Variants in ZNF764 observed in about 807,000 individuals in gnomAD.
The protein encoded by ZNF764 is zinc finger protein 764.
Under a neutral mutation model 13.9 loss-of-function variants are expected in ZNF764, and 10 were observed. The ratio of observed to expected loss-of-function variants is 0.72; its 90% confidence interval spans 0.44 to 1.22. The LOEUF is 1.22. Ranked by LOEUF, ZNF764 falls within the 50% of genes most tolerant of loss-of-function variation. The probability of loss-of-function intolerance (pLI) is 0.00; values close to 1 mark genes in which losing one functional copy is unlikely to be tolerated. For missense variants in ZNF764, 647 were observed against 589.7 expected, an observed-to-expected ratio of 1.10 and a Z score of -1.01; for synonymous variants, 313 against 255.1, an observed-to-expected ratio of 1.23 and a Z score of -2.16.
Position 30,558,167 on chromosome 16 carries a change from C to G in ZNF764, c.16G>C (p.Ala6Pro). 1 of 1,592,210 alleles carries G rather than the reference C, an allele frequency of 6.3e-7. No homozygotes were observed. The highest frequency in any genetic ancestry group is 8.5e-7 in the Non-Finnish European group (1 of 1,174,438). The stretch of plus-strand genomic sequence containing the variant: ...TTTGGGTCCCGGGGAGGGAGCGGGG[C>G]CAGAGGCGGCGCCATGGTAACTGTC... The part of the protein sequence containing the change: MAPPL[A>P]PLPPRDPNGA... Residue 6 changes from alanine (A) to proline (P), a missense_variant, in exon 1 of 3, where the codon GCC (alanine) becomes CCC (proline). Physicochemically the swap from Ala to Pro is conservative, Grantham distance 27. Transcript: ENST00000395091.
Position 30,555,281 on chromosome 16 carries a change from C to T in ZNF764, c.1137G>A (p.Leu379=), listed in dbSNP as rs2051538744. 3 of 1,612,610 alleles carry T rather than the reference C, an allele frequency of 1.9e-6. No homozygotes were observed. The highest frequency in any genetic ancestry group is 2.5e-6 in the Non-Finnish European group (3 of 1,179,536). The change falls in exon 3 of 3, where the codon CTG becomes CTA. Residue 379 remains leucine (L), a synonymous_variant. Transcript: ENST00000395091. ...GGHRGRVAGR[L]SVTLTPGHGD... is the part of the protein sequence containing the mutation. ...CGTGGCCAGGGGTCAGGGTCACAGA[C>T]AGACGCCCGGCGACCCGGCCCCTGT...
intron 2 of ZNF764, among the ~76,000 whole-genome samples, chr16:30,556,456 C>A (rs1407535288): frequency 6.6e-6 from 1 of 151,838 alleles, no homozygotes; most frequent in Non-Finnish European, 1.5e-5. Flanking sequence ...GGGCTGGATA[C>A]TCTGCAAAGG....
At position 30,555,320 on chromosome 16, in the gene ZNF764, G is replaced by C. The variant is rs200032214; in HGVS notation, c.1098C>G (p.Pro366=). 2.9e-5 allele frequency: 47 copies of C among 1,609,442 alleles called. No homozygotes were observed. Among genetic ancestry groups the C allele is most frequent in the Non-Finnish European group, 3.6e-5 (43 of 1,178,154 alleles). Residue 366 remains proline, a synonymous_variant, in exon 3 of 3, where the codon CCC becomes CCG. Transcript: ENST00000395091. ...AVAKHQWVHR[P]GAGGHRGRVA... ...CCCGGCCCCTGTGGCCCCCGGCCCC[G>C]GGCCGATGAACCCACTGGTGTTTGG...
In ZNF764 at chr16:30,558,138, C is replaced by T. The variant is rs766848465; in HGVS notation, c.45G>A (p.Gly15=). 2 of 1,605,546 alleles carry T rather than the reference C, an allele frequency of 1.2e-6. No homozygotes were observed. The highest frequency in any genetic ancestry group is 1.1e-5 in the South Asian group (1 of 90,704). The change falls in exon 1 of 3, where the codon GGG becomes GGA. Residue 15 remains glycine (G), a synonymous_variant. Transcript: ENST00000395091. Reference sequence around the variant, plus strand: ...CCGGCTCCCTCCACTCGGGTCCGGCCCCGTTTGGGTCCCGGGGAGGGAGCG... The same window carrying T: ...CCGGCTCCCTCCACTCGGGTCCGGCTCCGTTTGGGTCCCGGGGAGGGAGCG... ...LAPLPPRDPN[G]AGPEWREPGA... is the part of the protein sequence containing the mutation.
rs778455816 is a variant in ZNF764, at chr16:30,557,833, G to C, written c.210C>G (p.Asn70Lys). 3 of 1,607,864 alleles carry C rather than the reference G, an allele frequency of 1.9e-6. No individual in the cohort carries two copies. Among genetic ancestry groups the C allele is most frequent in the Middle Eastern group, 1.6e-4 (1 of 6,080 alleles). Residue 70 changes from asparagine to lysine, a missense_variant, in exon 2 of 3, where the codon AAC (asparagine) becomes AAG (lysine). Coordinates refer to ENST00000395091, the MANE Select transcript of ZNF764 (RefSeq NM_001172679.2). ...GHLSALGIGG[N>K]KPALISWVEE... ...CCACCCAGGAGATGAGAGCTGGCTT[G>C]TTGCCTCCGATTCCTAGGGAAGAAG...
At position 30,555,498 on chromosome 16, in the gene ZNF764, G is replaced by A; in HGVS notation, c.920C>T (p.Thr307Ile). ...CGGGTAGGGCTTCTCGCCGGTGTGGGTGCGCACGTGGCGCCGCAGGTCCGA... is the reference window on the plus strand; with the variant it reads ...CGGGTAGGGCTTCTCGCCGGTGTGGATGCGCACGTGGCGCCGCAGGTCCGA... ...YPSDLRRHVRTHTGEKPYPCP... is the reference protein window; with the variant it reads ...YPSDLRRHVRIHTGEKPYPCP... The change falls in exon 3 of 3, where the codon ACC becomes ATC. Residue 307 changes from threonine to isoleucine, a missense_variant. Transcript: ENST00000395091. 6.5e-7 allele frequency: 1 copy of A among 1,541,304 alleles called. No homozygotes were observed. The highest frequency in any genetic ancestry group is 1.4e-5 in the African/African-American group (1 of 72,410).
rs1233890286 is a variant in ZNF764, at chr16:30,555,700, T to C, written c.718A>G (p.Thr240Ala). The change falls in exon 3 of 3, where the codon ACG becomes GCG. Residue 240 changes from threonine to alanine, a missense_variant. Physicochemically the swap from Thr to Ala is moderately conservative, Grantham distance 58. Coordinates refer to ENST00000395091, the MANE Select transcript of ZNF764 (RefSeq NM_001172679.2). ...HRCLECGRAF[T>A]QRSALTSHLR... ...TGCGAAGTCAGCGCCGAGCGCTGCG[T>C]GAAGGCCCGGCCACACTCCAGACAG... is the stretch of plus-strand genomic sequence containing the variant. 1 of 1,579,440 alleles carries C rather than the reference T, an allele frequency of 6.3e-7. No homozygotes were observed. Among genetic ancestry groups the C allele is most frequent in the East Asian group, 2.3e-5 (1 of 43,768 alleles).
intron 2 of ZNF764, 101 bp downstream of exon 2, chr16:30,557,632 C>A: frequency 6.7e-7 from 1 of 1,496,236 alleles, no homozygotes; most frequent in Non-Finnish European, 9.1e-7. Context: ...GAAGGCAGTT[C>A]AGAGAGGAAA....
Position 30,555,925 on chromosome 16 carries a change from G to A in ZNF764, c.493C>T (p.Pro165Ser), listed in dbSNP as rs756250791. 1.2e-6 allele frequency: 2 copies of A among 1,611,738 alleles called. No individual in the cohort carries two copies. Among genetic ancestry groups the A allele is most frequent in the Non-Finnish European group, 1.7e-6 (2 of 1,179,346 alleles). ...HRGRPSLCAH[P>S]PVPRADQRHG... ...CGCTGGTCAGCTCGGGGGACAGGGG[G>A]GTGGGCACAGAGGGAGGGGCGTCCC... Residue 165 changes from proline to serine, a missense_variant, in exon 3 of 3, where the codon CCC (proline) becomes TCC (serine). Pro to Ser is a moderately conservative substitution (Grantham distance 74, BLOSUM62 -1). Transcript: ENST00000395091.
Position 30,557,894 on chromosome 16 carries a change from C to T in ZNF764, c.197-48G>A, listed in dbSNP as rs1463816051. The T allele has an allele frequency of 3.2e-6, 5 of 1,573,238 alleles. No homozygotes were observed. In the South Asian group the frequency reaches 3.4e-5, roughly 11 times the overall value. ...CCACGCTGCGGGGAGGCCACCTGCCCGGCCCCGGGGCCCCCAACTTCACGC... is the reference window on the plus strand; with the variant it reads ...CCACGCTGCGGGGAGGCCACCTGCCTGGCCCCGGGGCCCCCAACTTCACGC... On this transcript the variant is annotated intron_variant, in intron 1 of 2. Transcript: ENST00000395091.
rs924328071 is a variant in ZNF764, at chr16:30,554,838, C to A, written c.*356G>T. ...TGAGTATTGTGTTCTGGGAGGGTCA[C>A]AAGAATAAAAATAATGATAAAAAAT... On this transcript the variant is annotated 3_prime_UTR_variant, in exon 3 of 3. Transcript: ENST00000395091. 2 of 240,628 alleles carry A rather than the reference C, an allele frequency of 8.3e-6. No individual in the cohort carries two copies. The highest frequency in any genetic ancestry group is 4.5e-5 in the African/African-American group (2 of 44,378). 14.9% of individuals were successfully genotyped at this position (240,628 alleles called of 1,614,324 possible).
At chr16:30,557,335 A>G (rs982308355) in intron 2 of ZNF764, among the ~76,000 whole-genome samples, 2 of 151,842 alleles carry the variant, frequency 1.3e-5, no homozygotes, top group East Asian at 1.9e-4. Flanking sequence ...CTTCGTGGCG[A>G]GCACCTGTAC....
At position 30,554,467 on chromosome 16, in the gene ZNF764, TCA is replaced by T. The variant is rs149864546; in HGVS notation, c.*725_*726del. 2.7e-5 allele frequency: 4 copies of T among 149,286 alleles called. No individual in the cohort carries two copies. The highest frequency in any genetic ancestry group is 4.5e-5 in the Non-Finnish European group (3 of 67,180). 9.2% of individuals were successfully genotyped at this position (149,286 alleles called of 1,614,324 possible). ...CCTGGGCAACAAGAGCAAAACCCCA[TCA>T]CACACACACACACACAAAGACAATG... On this transcript the variant is annotated 3_prime_UTR_variant, in exon 3 of 3. Coordinates refer to ENST00000395091, the MANE Select transcript of ZNF764 (RefSeq NM_001172679.2).
rs1379494913 is a variant in ZNF764 at position 30,554,995 on chromosome 16, G to A, written c.*199C>T. The A allele has an allele frequency of 6.6e-6, 4 of 604,628 alleles. No homozygotes were observed. The highest frequency in any genetic ancestry group is 1.1e-5 in the Non-Finnish European group (4 of 365,222). The allele number at this position is 604,628 out of a possible 1,614,324, so 37.5% of individuals were successfully genotyped here. A position where few individuals can be genotyped will look rare whatever the true frequency, so the allele number is the denominator to read the frequency against. On this transcript the variant is annotated 3_prime_UTR_variant, in exon 3 of 3. Coordinates refer to ENST00000395091, the MANE Select transcript of ZNF764 (RefSeq NM_001172679.2). ...CAACTCAGCCCTGCCTCAGTAGAGG[G>A]GGCCTTGGAGAGCCCTGGGCAGTGG...
rs895887624 is a variant in ZNF764, at chr16:30,555,264, G to A, written c.1154C>T (p.Pro385Leu). ...VAGRLSVTLT[P>L]GHGDLDPPVG... is the part of the protein sequence containing the mutation. Reference sequence around the variant, plus strand: ...GGGCGGGTCCAGGTCTCCGTGGCCAGGGGTCAGGGTCACAGACAGACGCCC... The same window carrying A: ...GGGCGGGTCCAGGTCTCCGTGGCCAAGGGTCAGGGTCACAGACAGACGCCC... The change falls in exon 3 of 3, where the codon CCT becomes CTT. Residue 385 changes from proline (P) to leucine (L), a missense_variant. Physicochemically the swap from Pro to Leu is moderately conservative, Grantham distance 98. Coordinates refer to ENST00000395091, the MANE Select transcript of ZNF764 (RefSeq NM_001172679.2). 1.2e-6 allele frequency: 2 copies of A among 1,612,604 alleles called. No homozygotes were observed. Among genetic ancestry groups the A allele is most frequent in the Non-Finnish European group, 1.7e-6 (2 of 1,179,476 alleles).
chr16:30,554,272 C>T lies in ZNF764; in HGVS notation c.*922G>A, dbSNP rs1029428209. 1.3e-5 allele frequency: 2 copies of T among 152,196 alleles called. No homozygotes were observed. Among genetic ancestry groups the T allele is most frequent in the Non-Finnish European group, 2.9e-5 (2 of 68,052 alleles). The allele number at this position is 152,196 out of a possible 1,614,324, so 9.4% of individuals were successfully genotyped here. A position where few individuals can be genotyped will look rare whatever the true frequency, so the allele number is the denominator to read the frequency against. On this transcript the variant is annotated 3_prime_UTR_variant, in exon 3 of 3. Coordinates refer to ENST00000395091, the MANE Select transcript of ZNF764 (RefSeq NM_001172679.2). ...GACTCAGATCAATAAATATGACAAC[C>T]GCAGGCCAGATCCAGTACACAGTCA... is the stretch of plus-strand genomic sequence containing the variant.
In ZNF764 at chr16:30,555,602, G is replaced by A. The variant is rs1442187319; in HGVS notation, c.816C>T (p.Ala272=). The change falls in exon 3 of 3, where the codon GCC becomes GCT. Residue 272 remains alanine, a synonymous_variant. Coordinates refer to ENST00000395091, the MANE Select transcript of ZNF764 (RefSeq NM_001172679.2). ...TGTGCACGCGCCGGTGCTGGTAGAG[G>A]GCAGAGCTCTGGCTGAAGCGGCGGC... ...DCGRRFSQSS[A]LYQHRRVHSG... 1 of 1,549,432 alleles carries A rather than the reference G, an allele frequency of 6.5e-7. No homozygotes were observed. The highest frequency in any genetic ancestry group is 1.2e-5 in the South Asian group (1 of 84,572).
chr16:30,556,515 G>T (rs962678189), intron 2 of ZNF764, among the ~76,000 whole-genome samples: 1 of 152,154 alleles, frequency 6.6e-6, no homozygotes, highest in Admixed American at 6.5e-5. Flanking sequence ...GGGGAGAAAG[G>T]AACCAGCCTG....
In ZNF764 at chr16:30,554,803, A is replaced by AAATG. The variant is rs1457213776; in HGVS notation, c.*390_*391insCATT. ...CTCAGAAATAAATAAATAAATAAAT[A>AAATG]AAAAGACAATGAGTATTGTGTTCTG... On this transcript the variant is annotated 3_prime_UTR_variant, in exon 3 of 3. Transcript: ENST00000395091. 1 of 174,618 alleles carries AAATG rather than the reference A, an allele frequency of 5.7e-6. No homozygotes were observed. Among genetic ancestry groups the AAATG allele is most frequent in the Admixed American group, 6.3e-5 (1 of 15,902 alleles). The allele number at this position is 174,618 out of a possible 1,614,324, so 10.8% of individuals were successfully genotyped here.
Sources: gnomAD v4.1 joint callset for allele counts (sites outside exome capture counted in the v4.1 genomes callset) on GRCh38, gnomAD v4.1.1 for gene constraint, MANE v1.5 for transcripts, NCBI Gene and HGNC (gene_info 2026-07-23, HGNC 2026-07-21) for gene names.